The following OTOGL variants were observed in gnomAD, a reference collection of about 807,000 sequenced individuals.
OTOGL encodes otogelin-like protein.
In OTOGL, 285 loss-of-function variants were observed where a neutral mutation model predicts 318.5. The ratio of observed to expected loss-of-function variants is 0.89; its 90% CI spans 0.81 to 0.99. The LOEUF is 0.99. Among genes scored for constraint, OTOGL ranks in the 50% least tolerant of loss-of-function variants. The pLI, the probability that OTOGL is intolerant of heterozygous loss-of-function variation, is 0.00. For missense variants in OTOGL, 2,899 were observed against 2,845.6 expected, an observed-to-expected ratio of 1.02 and a Z score of -0.43; for synonymous variants, 987 against 936.5, an observed-to-expected ratio of 1.05 and a Z score of -0.99.
chr12:80,355,466 C>T (rs1889828746), intron 46 of OTOGL, among the ~76,000 whole-genome samples: 1 of 151,950 alleles, frequency 6.6e-6, no homozygotes, highest in South Asian at 2.1e-4. Context: ...TGAAGCAGTC[C>T]TCCCTCCTCA....
At chr12:80,354,330 G>A (rs771999100) in intron 46 of OTOGL, among the ~76,000 whole-genome samples, 19 of 152,258 alleles carry the variant, frequency 1.2e-4, no homozygotes, top group Middle Eastern at 3.4e-3. Context: ...AGATGCTGGC[G>A]CCATGCCCCT....
chr12:80,108,128 G>A (rs1869567187), intron 1 of OTOGL, among the ~76,000 whole-genome samples: 1 of 152,020 alleles, frequency 6.6e-6, no homozygotes, highest in South Asian at 2.1e-4. Context: ...ACTTTTGTAA[G>A]TTGCTAATAT....
chr12:80,356,937 C>A, intron 49 of OTOGL, 23 bp downstream of exon 49: 1 of 1,447,536 alleles, frequency 6.9e-7, no homozygotes, highest in Non-Finnish European at 9.2e-7. Flanking sequence ...GAGATAATTT[C>A]TTGGAAGAAG....
chr12:80,304,282 C>A (rs1885963761), intron 28 of OTOGL, among the ~76,000 whole-genome samples: 1 of 151,738 alleles, frequency 6.6e-6, no homozygotes, highest in Non-Finnish European at 1.5e-5. Context: ...ATATACTATT[C>A]CCTGCTAAAT....
intron 1 of OTOGL, among the ~76,000 whole-genome samples, chr12:80,147,335 G>A (rs202129641): frequency 6.8e-6 from 1 of 146,110 alleles, no homozygotes; most frequent in Non-Finnish European, 1.5e-5. Flanking sequence ...TCAGGAGCAG[G>A]TTGTTCAGTT....
At chr12:80,203,244 G>C (rs892231705) in intron 1 of OTOGL, among the ~76,000 whole-genome samples, 1 of 152,160 alleles carries the variant, frequency 6.6e-6, no homozygotes, top group Non-Finnish European at 1.5e-5. Flanking sequence ...TATTTGTCTG[G>C]AAGCTGTAGT....
rs117587909 is a variant in OTOGL at position 80,267,767 on chromosome 12, A to G, written c.2465+440A>G. Among the ~76,000 whole-genome samples, 651 of 152,188 alleles carry G rather than the reference A, an allele frequency of 4.3e-3. 3 individuals are homozygous for G. The highest frequency in any genetic ancestry group is 8.1e-3 in the Non-Finnish European group (554 of 67,990). ...ATTATAATCATGTGATTGTATATAT[A>G]TGTACAAACACATATATACATAATA... is the stretch of plus-strand genomic sequence containing the variant. On this transcript the variant is annotated intron_variant, in intron 22 of 58. Transcript: ENST00000547103.
At chr12:80,224,437 T>C (rs1175556485) in intron 7 of OTOGL, among the ~76,000 whole-genome samples, 1 of 152,166 alleles carries the variant, frequency 6.6e-6, no homozygotes, top group Non-Finnish European at 1.5e-5. Context: ...GATTGTTTTT[T>C]CTAGTTCTGT....
chr12:80,329,648 C>T (rs769543348), intron 37 of OTOGL, among the ~76,000 whole-genome samples: 5 of 152,264 alleles, frequency 3.3e-5, no homozygotes, highest in East Asian at 3.9e-4. Flanking sequence ...GCTTTCCTCC[C>T]GCCCTGTGAA....
chr12:80,280,199 C>T (rs889460845), intron 26 of OTOGL, among the ~76,000 whole-genome samples: 20 of 151,666 alleles, frequency 1.3e-4, no homozygotes, highest in Admixed American at 6.6e-4. Context: ...GTTATTAGGC[C>T]TTTGTAGGGT....
At chr12:80,121,040 C>A (rs1287037658) in intron 1 of OTOGL, among the ~76,000 whole-genome samples, 1 of 152,132 alleles carries the variant, frequency 6.6e-6, no homozygotes, top group Non-Finnish European at 1.5e-5. Flanking sequence ...AGGCCGAGCT[C>A]CTTGCTTCAA....
intron 1 of OTOGL, among the ~76,000 whole-genome samples, chr12:80,203,825 T>C (rs1375160526): frequency 6.6e-6 from 1 of 152,188 alleles, no homozygotes; most frequent in Non-Finnish European, 1.5e-5. Context: ...ATAATGCAGA[T>C]GCCTAAACCC....
intron 20 of OTOGL, chr12:80,265,792 T>C (rs1040780535): frequency 6.5e-5 from 10 of 153,954 alleles, no homozygotes; most frequent in African/African-American, 2.4e-4. Context: ...CATTCCTTCA[T>C]TGGATTTTTC....
chr12:80,142,563 A>G (rs10746153), intron 1 of OTOGL, among the ~76,000 whole-genome samples: 75,231 of 151,926 alleles, frequency 0.5, 19,309 homozygotes, highest in Middle Eastern at 0.58. Context: ...TTGCATCTGT[A>G]TTGGCAGGAA....
intron 1 of OTOGL, among the ~76,000 whole-genome samples, chr12:80,147,994 C>G (rs1298045087): frequency 6.6e-6 from 1 of 152,124 alleles, no homozygotes; most frequent in African/African-American, 2.4e-5. Context: ...ACTGATGGGT[C>G]TTGACTCTTT....
In OTOGL at chr12:80,309,004, GAGGGAGAGA is replaced by G. The variant is rs1210366501; in HGVS notation, c.3334-1604_3334-1596del. On this transcript the variant is annotated intron_variant, in intron 29 of 58. Coordinates refer to ENST00000547103, the MANE Select transcript of OTOGL (RefSeq NM_001378609.3). Reference sequence around the variant, plus strand: ...GTGGGGAGAGGGAGAGGGAGAGGGAGAGGGAGAGAAGAAGTAACTATTTCTAATGGTACT... The same window carrying G: ...GTGGGGAGAGGGAGAGGGAGAGGGAGAGAAGTAACTATTTCTAATGGTACT... Among the ~76,000 whole-genome samples the G allele has an allele frequency of 3.3e-5, 5 of 151,870 alleles. No homozygotes were observed. The East Asian group carries it at 7.8e-4, about 24-fold the overall frequency.
chr12:80,220,543 T>C (rs1878210824), intron 6 of OTOGL, among the ~76,000 whole-genome samples: 2 of 74,604 alleles, frequency 2.7e-5, no homozygotes, highest in African/African-American at 7.0e-5. Context: ...AGTCATTCTT[T>C]TGGACCTTTA....
chr12:80,251,258 T>C (rs1011945624), intron 11 of OTOGL, among the ~76,000 whole-genome samples: 1 of 152,228 alleles, frequency 6.6e-6, no homozygotes, highest in African/African-American at 2.4e-5. Flanking sequence ...TATGATCTTT[T>C]GGAAACAGCT....
At chr12:80,330,792 A>G (rs1888019401) in intron 37 of OTOGL, among the ~76,000 whole-genome samples, 1 of 152,258 alleles carries the variant, frequency 6.6e-6, no homozygotes, top group Admixed American at 6.5e-5. Flanking sequence ...TGCAGAATGC[A>G]AGAGCAATAC....
Sources: allele counts gnomAD v4.1 joint callset (sites outside exome capture counted in the v4.1 genomes callset), GRCh38; gene constraint gnomAD v4.1.1; transcripts MANE v1.5; gene names NCBI Gene and HGNC (gene_info 2026-07-23, HGNC 2026-07-21).